Variants in KANK1 observed in about 807,000 individuals in gnomAD.
KANK1 encodes the protein KN motif and ankyrin repeat domain-containing protein 1.
A neutral mutation model predicts 106.2 loss-of-function variants in KANK1; 109 were observed. That is an observed-to-expected ratio of 1.03 (90% confidence interval 0.88 to 1.20). The LOEUF (loss-of-function observed/expected upper bound fraction) is 1.20, where lower values mean the gene tolerates loss of function less well. Ranked by LOEUF, KANK1 falls within the 50% of genes most tolerant of loss-of-function variation. The pLI is 0.00. For synonymous variants in KANK1, 873 were observed against 652.2 expected, an observed-to-expected ratio of 1.34 and a Z score of -5.16; for missense variants, 2,399 against 1,710.7, an observed-to-expected ratio of 1.40 and a Z score of -7.10.
intron 1 of KANK1, among the ~76,000 whole-genome samples, chr9:606,454 G>C (rs1270635748): frequency 6.8e-6 from 1 of 147,580 alleles, no homozygotes; most frequent in Non-Finnish European, 1.5e-5. Flanking sequence ...TACTCAGGAG[G>C]TTGAGACAGG....
intron 3 of KANK1, among the ~76,000 whole-genome samples, chr9:496,583 CATAA>C (rs775628498): frequency 1.2e-4 from 19 of 152,192 alleles, no homozygotes; most frequent in Middle Eastern, 3.4e-3. Flanking sequence ...TAAATAAATT[CATAA>C]ATAAATAAAT....
chr9:580,347 CAA>C (rs1821746256), intron 1 of KANK1, among the ~76,000 whole-genome samples: 1 of 152,148 alleles, frequency 6.6e-6, no homozygotes, highest in Non-Finnish European at 1.5e-5. Context: ...AGATTTATTG[CAA>C]AGAGTGAAAG....
chr9:545,373 G>T (rs1240905016), intron 1 of KANK1, among the ~76,000 whole-genome samples: 1 of 152,200 alleles, frequency 6.6e-6, no homozygotes, highest in Non-Finnish European at 1.5e-5. Context: ...TGCATTTGAA[G>T]TTCAGAAAAG....
intron 2 of KANK1, among the ~76,000 whole-genome samples, chr9:677,990 C>T (rs756689990): frequency 6.6e-6 from 1 of 152,126 alleles, no homozygotes; most frequent in Non-Finnish European, 1.5e-5. Context: ...CTATGTAAGC[C>T]GTAAAGCACT....
Position 712,047 on chromosome 9 carries a change from AG to A in KANK1, c.1284del (p.Thr429HisfsTer5), listed in dbSNP as rs1554698767. 1.2e-6 allele frequency: 2 copies of A among 1,614,210 alleles called. No individual in the cohort carries two copies. The highest frequency in any genetic ancestry group is 1.7e-6 in the Non-Finnish European group (2 of 1,180,028). On this transcript the variant is annotated frameshift_variant, in exon 3 of 12. Coordinates refer to ENST00000382297, the MANE Select transcript of KANK1 (RefSeq NM_015158.5). LOFTEE classifies it high-confidence loss of function. ...GSRSCKDAAVGTLVEMRNCGV... is the reference protein window; with the variant it reads ...GSRSCKDAAVXTLVEMRNCGV... ...CCAGGTCCTGTAAGGATGCAGCTGT[AG>A]GGACACTTGTTGAGATGAGAAATTG...
chr9:475,128 T>C (rs1331597156), intron 3 of KANK1, among the ~76,000 whole-genome samples: 3 of 152,086 alleles, frequency 2.0e-5, no homozygotes, highest in African/African-American at 7.2e-5. Context: ...CACAATAAGA[T>C]CTCAGGAATT....
chr9:677,299 A>C (rs1268614105), intron 2 of KANK1, among the ~76,000 whole-genome samples: 2 of 152,164 alleles, frequency 1.3e-5, no homozygotes, highest in African/African-American at 4.8e-5. Flanking sequence ...TGTAATGTAT[A>C]CTCCTCTTGC....
chr9:516,998 T>TACACACACACAC (rs148954863), intron 1 of KANK1, among the ~76,000 whole-genome samples: 7,480 of 145,456 alleles, frequency 0.051, 377 homozygotes, highest in African/African-American at 0.1. Context: ...CATCACCCTC[T>TACACACACACAC]ACACACACAC....
rs369745656 is a variant in KANK1 at position 727,369 on chromosome 9, G to A, written c.2699-2682G>A. Among the ~76,000 whole-genome samples, 15 of 152,008 alleles carry A rather than the reference G, an allele frequency of 9.9e-5. 1 individual carries two copies. The highest frequency in any genetic ancestry group is 3.6e-4 in the African/African-American group (15 of 41,446). On this transcript the variant is annotated intron_variant, in intron 3 of 11. Coordinates refer to ENST00000382297, the MANE Select transcript of KANK1 (RefSeq NM_015158.5). ...CTCGCTCTGCCGCCCAGGCTGGAGT[G>A]CAGTGGGACGATCTTGGCTCACTGC...
intron 2 of KANK1, chr9:707,224 G>T (rs1051540575): frequency 4.1e-6 from 4 of 986,088 alleles, no homozygotes; most frequent in East Asian, 2.3e-4. Flanking sequence ...GCGGGCTGGC[G>T]GGGAGCGCGG....
intron 1 of KANK1, among the ~76,000 whole-genome samples, chr9:629,077 C>CAAAAAAA (rs34834497): frequency 8.3e-5 from 11 of 132,660 alleles, no homozygotes; most frequent in Admixed American, 4.7e-4. Flanking sequence ...CAACTGTTTC[C>CAAAAAAA]AAAAAAAAAA....
chr9:730,990 T>A (rs1221933297), intron 4 of KANK1, 168 bp from the exon 5 acceptor site: 1 of 416,386 alleles, frequency 2.4e-6, no homozygotes, highest in Non-Finnish European at 4.4e-6. Flanking sequence ...AACTTTGAAT[T>A]ATTTTCTTTG....
intron 2 of KANK1, among the ~76,000 whole-genome samples, chr9:689,359 T>A (rs1489713604): frequency 1.3e-5 from 2 of 152,156 alleles, no homozygotes; most frequent in Non-Finnish European, 2.9e-5. Flanking sequence ...AGCATCGTCT[T>A]CCTAAAGTCA....
chr9:538,125 G>T (rs2060400109), intron 1 of KANK1, among the ~76,000 whole-genome samples: 1 of 151,882 alleles, frequency 6.6e-6, no homozygotes, highest in African/African-American at 2.4e-5. Context: ...ATGGTTGGGA[G>T]AGCGGAAAGA....
At chr9:666,257 T>G (rs921870553) in intron 1 of KANK1, among the ~76,000 whole-genome samples, 4 of 152,350 alleles carry the variant, frequency 2.6e-5, no homozygotes, top group Middle Eastern at 3.4e-3. Context: ...TCTTTCTTTT[T>G]CAGATTGTTC....
chr9:711,626 T>G lies in KANK1; in HGVS notation c.860T>G (p.Leu287Arg), dbSNP rs1288919625. 2 of 1,613,990 alleles carry G rather than the reference T, an allele frequency of 1.2e-6. No individual in the cohort carries two copies. The highest frequency in any genetic ancestry group is 1.7e-6 in the Non-Finnish European group (2 of 1,179,994). The change falls in exon 3 of 12, where the codon CTC (leucine) becomes CGC (arginine). Residue 287 changes from leucine (L) to arginine (R), a missense_variant. Leu to Arg is a moderately radical substitution (Grantham distance 102, BLOSUM62 -2). Transcript: ENST00000382297. ...LEEQVRTIPV[L>R]QVKISVLQEE... The stretch of plus-strand genomic sequence containing the variant: ...GAGCAGGTGCGAACCATCCCTGTGC[T>G]CCAGGTAAAGATCTCTGTCTTGCAA...
intron 8 of KANK1, among the ~76,000 whole-genome samples, chr9:740,310 A>G (rs1316526657): frequency 6.6e-6 from 1 of 152,192 alleles, no homozygotes; most frequent in Non-Finnish European, 1.5e-5. Context: ...CCGACAGGCC[A>G]GAGTAGTAAA....
rs534163172 is a variant in KANK1, at chr9:481,817, C to G, written c.-362+8544C>G. On this transcript the variant is annotated intron_variant, in intron 3 of 15. Transcript: ENST00000382303. ...TATGATCACACCACTGCACTCCAGC[C>G]TGGGTGACAAAGCAAGACCCTGTCT... Among the ~76,000 whole-genome samples, 6 of 151,580 alleles carry G rather than the reference C, an allele frequency of 4.0e-5. No individual in the cohort carries two copies. In the South Asian group the frequency reaches 1.3e-3, roughly 32 times the overall value.
At chr9:521,137 G>A (rs146302180) in intron 1 of KANK1, among the ~76,000 whole-genome samples, 2 of 151,864 alleles carry the variant, frequency 1.3e-5, no homozygotes, top group East Asian at 1.9e-4. Context: ...TATGAAATCG[G>A]AATTCTTTGA....
Sources: gnomAD v4.1 joint callset for allele counts (sites outside exome capture counted in the v4.1 genomes callset) on GRCh38, gnomAD v4.1.1 for gene constraint, MANE v1.5 for transcripts, NCBI Gene and HGNC (gene_info 2026-07-23, HGNC 2026-07-21) for gene names.